NALF1: variants seen among roughly 807,000 people sequenced by gnomAD.
The protein encoded by NALF1 is family with sequence similarity 155 member A.
NALF1 carries 3 observed loss-of-function variants against 48.4 expected under a neutral mutation model. That is an observed-to-expected ratio of 0.06 (90% CI 0.03 to 0.16). The LOEUF (loss-of-function observed/expected upper bound fraction) is 0.16, where lower values mean the gene tolerates loss of function less well. Ranked by LOEUF, NALF1 falls within the 10% of genes least tolerant of loss-of-function variation. NALF1 has a pLI of 1.00. For synonymous variants in NALF1, 262 were observed against 245.7 expected, an observed-to-expected ratio of 1.07 and a Z score of -0.62; for missense variants, 526 against 571.5, an observed-to-expected ratio of 0.92 and a Z score of 0.81.
At chr13:107,576,526 A>G (rs1878153599) in intron 1 of NALF1, among the ~76,000 whole-genome samples, 1 of 152,216 alleles carries the variant, frequency 6.6e-6, no homozygotes, top group African/African-American at 2.4e-5. Flanking sequence ...AGAGAAAACC[A>G]ACATCAAAAA....
intron 1 of NALF1, among the ~76,000 whole-genome samples, chr13:107,787,338 A>G (rs1878106100): frequency 6.6e-6 from 1 of 152,232 alleles, no homozygotes; most frequent in Non-Finnish European, 1.5e-5. Flanking sequence ...AAATATTATC[A>G]TCACAATTAT....
At chr13:107,173,188 T>C (rs537092228) in intron 2 of NALF1, among the ~76,000 whole-genome samples, 26 of 152,310 alleles carry the variant, frequency 1.7e-4, no homozygotes, top group African/African-American at 5.5e-4. Flanking sequence ...TTTTATGCTC[T>C]TCTTGATTTT....
At chr13:107,286,511 C>T (rs970352561) in intron 1 of NALF1, among the ~76,000 whole-genome samples, 2 of 150,502 alleles carry the variant, frequency 1.3e-5, no homozygotes, top group East Asian at 3.9e-4. Flanking sequence ...GTGGCACGCA[C>T]CTGCGTTCCC....
intron 1 of NALF1, among the ~76,000 whole-genome samples, chr13:107,824,203 T>C (rs185488209): frequency 6.6e-6 from 1 of 152,132 alleles, no homozygotes; most frequent in East Asian, 1.9e-4. Context: ...AATTGTCTGA[T>C]TGTTAATATA....
At chr13:107,757,526 T>C (rs1392598369) in intron 1 of NALF1, among the ~76,000 whole-genome samples, 1 of 151,526 alleles carries the variant, frequency 6.6e-6, no homozygotes, top group Non-Finnish European at 1.5e-5. Flanking sequence ...AGTAAACAGT[T>C]TGATAGACAG....
intron 1 of NALF1, among the ~76,000 whole-genome samples, chr13:107,637,451 T>A (rs2138454653): frequency 6.6e-6 from 1 of 152,288 alleles, no homozygotes; most frequent in African/African-American, 2.4e-5. Context: ...CTTCTCTGTG[T>A]TATATTCTAA....
intron 1 of NALF1, among the ~76,000 whole-genome samples, chr13:107,325,738 C>T (rs1233087470): frequency 6.7e-6 from 1 of 149,898 alleles, no homozygotes; most frequent in Non-Finnish European, 1.5e-5. Context: ...TTACTGGGGG[C>T]GCTGAGGTAG....
intron 1 of NALF1, among the ~76,000 whole-genome samples, chr13:107,582,132 AAAGAT>A (rs1878329548): frequency 6.6e-6 from 1 of 152,198 alleles, no homozygotes; most frequent in Non-Finnish European, 1.5e-5. Context: ...AAATAATGAG[AAAGAT>A]AATTTTGTTG....
At chr13:107,173,667 C>G (rs1029989405) in intron 2 of NALF1, among the ~76,000 whole-genome samples, 8 of 152,130 alleles carry the variant, frequency 5.3e-5, no homozygotes, top group African/African-American at 1.9e-4. Flanking sequence ...CCTTCTTTCT[C>G]CTTTTGAGGG....
chr13:107,325,982 T>C (rs1390821872), intron 1 of NALF1, among the ~76,000 whole-genome samples: 2 of 147,812 alleles, frequency 1.4e-5, no homozygotes, highest in Admixed American at 6.8e-5. Context: ...AACACACATA[T>C]ACATATATAC....
chr13:107,187,156 T>A (rs1879192364), intron 2 of NALF1, among the ~76,000 whole-genome samples: 1 of 152,170 alleles, frequency 6.6e-6, no homozygotes, highest in South Asian at 2.1e-4. Flanking sequence ...TGGGATCACC[T>A]GAATAATCCT....
chr13:107,172,066 G>A (rs1878817418), intron 2 of NALF1, among the ~76,000 whole-genome samples: 1 of 152,158 alleles, frequency 6.6e-6, no homozygotes, highest in South Asian at 2.1e-4. Context: ...CAATCCTGAA[G>A]CATTGGCTCT....
chr13:107,569,221 G>A (rs1016619798), intron 1 of NALF1, among the ~76,000 whole-genome samples: 16 of 152,094 alleles, frequency 1.1e-4, no homozygotes, highest in Admixed American at 6.5e-5. Flanking sequence ...TGAAATCCCA[G>A]CACTTTGGGA....
intron 1 of NALF1, among the ~76,000 whole-genome samples, chr13:107,687,464 G>C (rs796622882): frequency 1.9e-5 from 2 of 105,946 alleles, no homozygotes; most frequent in African/African-American, 3.6e-5. Flanking sequence ...AATCTAAAAA[G>C]AAAAAAAAAA....
intron 1 of NALF1, among the ~76,000 whole-genome samples, chr13:107,807,632 T>C (rs1417668466): frequency 6.6e-6 from 1 of 152,186 alleles, no homozygotes; most frequent in Non-Finnish European, 1.5e-5. Context: ...CTTCTACAAA[T>C]AATAATTTAT....
intron 1 of NALF1, among the ~76,000 whole-genome samples, chr13:107,677,432 T>C (rs1881160376): frequency 6.6e-6 from 1 of 152,188 alleles, no homozygotes; most frequent in African/African-American, 2.4e-5. Context: ...GGTTAGACAG[T>C]TTTGTAACTC....
At chr13:107,555,703 G>A (rs951363565) in intron 1 of NALF1, among the ~76,000 whole-genome samples, 2 of 151,732 alleles carry the variant, frequency 1.3e-5, no homozygotes, top group Admixed American at 1.3e-4. Context: ...TATTCAAATT[G>A]CTTTATTGTT....
At chr13:107,804,463 ATCC>A (rs1011133267) in intron 1 of NALF1, among the ~76,000 whole-genome samples, 1 of 149,148 alleles carries the variant, frequency 6.7e-6, no homozygotes, top group African/African-American at 2.5e-5. Context: ...CATGTGTCCT[ATCC>A]TCCTCATACC....
intron 1 of NALF1, among the ~76,000 whole-genome samples, chr13:107,687,765 A>G (rs79844541): frequency 0.03 from 4,498 of 152,262 alleles, 352 homozygotes; most frequent in East Asian, 0.29. Flanking sequence ...CATTTATACT[A>G]AAAAGTGAAA....
Sources: gnomAD v4.1 joint callset for allele counts (sites outside exome capture counted in the v4.1 genomes callset) on GRCh38, gnomAD v4.1.1 for gene constraint, MANE v1.5 for transcripts, NCBI Gene and HGNC (gene_info 2026-07-23, HGNC 2026-07-21) for gene names.